The following ELMO1 variants were observed in gnomAD, a reference collection of about 807,000 sequenced individuals.
The protein encoded by ELMO1 is engulfment and cell motility protein 1.
ELMO1 carries 26 observed loss-of-function variants against 98.9 expected under a neutral mutation model. That is an observed-to-expected ratio of 0.26 (90% CI 0.19 to 0.36). ELMO1 has a LOEUF of 0.36. ELMO1 is among the 10% of genes least tolerant of loss of function. ELMO1 has a pLI of 1.00. For synonymous variants in ELMO1, 346 were observed against 346.0 expected (o/e 1.00, Z 0.00); for missense variants, 627 against 935.2 (o/e 0.67, Z 4.30).
chr7:37,288,762 A>G (rs1014040996), intron 4 of ELMO1, among the ~76,000 whole-genome samples: 4 of 152,226 alleles, frequency 2.6e-5, no homozygotes, highest in African/African-American at 9.6e-5. Flanking sequence ...AAAGGCCTTA[A>G]GCCCTCAATT....
intron 21 of ELMO1, among the ~76,000 whole-genome samples, chr7:36,858,758 C>T (rs894704415): frequency 3.3e-5 from 5 of 152,084 alleles, no homozygotes; most frequent in African/African-American, 7.2e-5. Flanking sequence ...GTTCAACCAG[C>T]CATTGCAATG....
intron 4 of ELMO1, among the ~76,000 whole-genome samples, chr7:37,293,466 G>A (rs374559936): frequency 1.0e-4 from 10 of 95,760 alleles, no homozygotes; most frequent in Non-Finnish European, 1.7e-4. Context: ...ACTCAGGGTT[G>A]AATGGATTAA....
At chr7:37,138,708 C>A (rs536619607) in intron 13 of ELMO1, among the ~76,000 whole-genome samples, 1 of 152,256 alleles carries the variant, frequency 6.6e-6, no homozygotes, top group Non-Finnish European at 1.5e-5. Flanking sequence ...AGGGAATCCT[C>A]CCTTAATCGT....
intron 4 of ELMO1, among the ~76,000 whole-genome samples, chr7:37,312,494 C>A (rs894542595): frequency 1.3e-5 from 2 of 152,184 alleles, no homozygotes; most frequent in Admixed American, 1.3e-4. Flanking sequence ...CTGTTTCTCC[C>A]AGTGGTTCCA....
At chr7:37,221,101 C>T (rs1167864937) in intron 10 of ELMO1, among the ~76,000 whole-genome samples, 2 of 152,158 alleles carry the variant, frequency 1.3e-5, no homozygotes, top group African/African-American at 4.8e-5. Flanking sequence ...CCTAAAAATC[C>T]AGCCACGGTA....
intron 1 of ELMO1, among the ~76,000 whole-genome samples, chr7:37,431,384 A>C (rs980266791): frequency 6.6e-6 from 1 of 152,210 alleles, no homozygotes; most frequent in African/African-American, 2.4e-5. Flanking sequence ...ACTTGCACAC[A>C]GGGCTATACT....
intron 16 of ELMO1, among the ~76,000 whole-genome samples, chr7:36,990,772 A>G (rs1791820690): frequency 6.6e-6 from 1 of 152,180 alleles, no homozygotes; most frequent in Non-Finnish European, 1.5e-5. Flanking sequence ...TCCACAAATC[A>G]AAAAAGAATG....
intron 15 of ELMO1, among the ~76,000 whole-genome samples, chr7:37,021,135 A>G (rs888898654): frequency 2.5e-4 from 38 of 152,156 alleles, no homozygotes; most frequent in Non-Finnish European, 1.6e-4. Context: ...GGAGATGCTA[A>G]AAGTTCAGAA....
At chr7:37,014,223 A>C (rs931975642) in intron 15 of ELMO1, among the ~76,000 whole-genome samples, 1 of 151,924 alleles carries the variant, frequency 6.6e-6, no homozygotes, top group Non-Finnish European at 1.5e-5. Context: ...TCAAGCTTAC[A>C]TTTTTATAGC....
chr7:37,277,349 C>G (rs1796896314), intron 4 of ELMO1, among the ~76,000 whole-genome samples: 1 of 152,224 alleles, frequency 6.6e-6, no homozygotes, highest in Non-Finnish European at 1.5e-5. Context: ...CAAGATGGCC[C>G]TCTGGGCATA....
intron 13 of ELMO1, among the ~76,000 whole-genome samples, chr7:37,162,972 T>A (rs973551281): frequency 6.6e-6 from 1 of 152,164 alleles, no homozygotes; most frequent in Non-Finnish European, 1.5e-5. Context: ...TTGTTCAGGT[T>A]TATTTATTTT....
intron 16 of ELMO1, among the ~76,000 whole-genome samples, chr7:36,946,668 C>T (rs776553517): frequency 5.9e-5 from 9 of 152,156 alleles, no homozygotes; most frequent in Non-Finnish European, 1.3e-4. Context: ...CTCCATTTTT[C>T]ACTGAAAATA....
At chr7:36,995,590 T>C (rs1471942864) in intron 16 of ELMO1, among the ~76,000 whole-genome samples, 3 of 152,182 alleles carry the variant, frequency 2.0e-5, no homozygotes, top group Non-Finnish European at 4.4e-5. Context: ...TCTACTCACA[T>C]TTAATATACT....
intron 15 of ELMO1, among the ~76,000 whole-genome samples, chr7:37,049,881 G>A (rs1428176297): frequency 2.0e-5 from 3 of 150,714 alleles, no homozygotes; most frequent in Admixed American, 1.3e-4. Flanking sequence ...AGGTTCAAGC[G>A]ATTATTCTGC....
At chr7:37,184,903 A>G (rs1791106127) in intron 13 of ELMO1, among the ~76,000 whole-genome samples, 1 of 149,920 alleles carries the variant, frequency 6.7e-6, no homozygotes, top group African/African-American at 2.5e-5. Context: ...GTCTCAAAAG[A>G]AAAAAAAAAG....
At position 37,006,973 on chromosome 7, in the gene ELMO1, C is replaced by T. The variant is rs575055403; in HGVS notation, c.1437+6326G>A. On this transcript the variant is annotated intron_variant, in intron 16 of 21. Coordinates refer to ENST00000310758, the MANE Select transcript of ELMO1 (RefSeq NM_014800.11). ...AGGACATATCTTGATTGCTGTCCAA[C>T]AGAAAGCGGCAAACTCCATGGAAAT... 2.1e-3 allele frequency among the ~76,000 whole-genome samples: 313 copies of T among 152,262 alleles called. 1 individual carries two copies. The highest frequency in any genetic ancestry group is 7.3e-3 in the African/African-American group (305 of 41,538).
At chr7:37,414,231 A>T (rs1402057864) in intron 1 of ELMO1, among the ~76,000 whole-genome samples, 1 of 150,080 alleles carries the variant, frequency 6.7e-6, no homozygotes, top group Non-Finnish European at 1.5e-5. Flanking sequence ...TCCATATCTT[A>T]TCAGGTCTGT....
rs557515075 is a variant in ELMO1 at position 37,022,507 on chromosome 7, T to C, written c.1301-9072A>G. On this transcript the variant is annotated intron_variant, in intron 15 of 21. Coordinates refer to ENST00000310758, the MANE Select transcript of ELMO1 (RefSeq NM_014800.11). ...AAGCTTTTTAAGTCACAGAAAAAAA[T>C]ATGCAGCTTTAAACAACAATGAGCT... Among the ~76,000 whole-genome samples the C allele has an allele frequency of 2.0e-5, 3 of 152,058 alleles. No individual in the cohort carries two copies. In the South Asian group the frequency reaches 6.2e-4, roughly 32 times the overall value.
chr7:36,898,112 G>T (rs1806182586), intron 16 of ELMO1, among the ~76,000 whole-genome samples: 1 of 152,196 alleles, frequency 6.6e-6, no homozygotes, highest in African/African-American at 2.4e-5. Context: ...AGTTACATAA[G>T]TCAAACATTC....
Sources: allele counts gnomAD v4.1 joint callset (sites outside exome capture counted in the v4.1 genomes callset), GRCh38; gene constraint gnomAD v4.1.1; transcripts MANE v1.5; gene names NCBI Gene and HGNC (gene_info 2026-07-23, HGNC 2026-07-21).